Variants in GK observed in about 807,000 individuals in gnomAD.
GK encodes the protein ATP:glycerol 3-phosphotransferase.
GK carries 9 observed loss-of-function variants against 56.4 expected under a neutral mutation model. That is an observed-to-expected ratio of 0.16 (90% CI 0.10 to 0.28). The LOEUF (loss-of-function observed/expected upper bound fraction) is 0.28. Ranked by LOEUF, GK falls within the 10% of genes least tolerant of loss-of-function variation. The pLI is 1.00. For synonymous variants in GK, 104 were observed against 144.1 expected (o/e 0.72, Z 1.99); for missense variants, 161 against 431.4 (o/e 0.37, Z 5.55).
chrX:30,729,043 G>A lies in GK; in HGVS notation c.*301G>A, dbSNP rs1388585535. On this transcript the variant is annotated 3_prime_UTR_variant, in exon 21 of 21. Coordinates refer to ENST00000427190, the MANE Select transcript of GK (RefSeq NM_001205019.2). The stretch of plus-strand genomic sequence containing the variant: ...CATCCTGCTCCATTCCCTCTAAGAT[G>A]TAGGAAGAATTCGGATCCTTACCAT... The A allele has an allele frequency of 2.2e-5, 7 of 314,583 alleles. No individual in the cohort carries two copies. The highest frequency in any genetic ancestry group is 1.6e-4 in the African/African-American group (6 of 37,305). The allele number at this position is 314,583 out of a possible 1,213,427, so 25.9% of individuals were successfully genotyped here. A position where few individuals can be genotyped will look rare whatever the true frequency, so the allele number is the denominator to read the frequency against.
At chrX:30,687,957 C>T (rs1934713855) in intron 4 of GK, among the ~76,000 whole-genome samples, 1 of 111,973 alleles carries the variant, frequency 8.9e-6, no homozygotes, top group Admixed American at 9.5e-5. Flanking sequence ...TTCTAACTGC[C>T]TTAATGTCTG....
intron 3 of GK, among the ~76,000 whole-genome samples, chrX:30,671,076 G>A (rs1180700054): frequency 9.2e-6 from 1 of 108,614 alleles, no homozygotes; most frequent in Non-Finnish European, 1.9e-5. Flanking sequence ...GATCACCTGA[G>A]GTCAGGAGTT....
chrX:30,657,282 G>A (rs1238400691), intron 1 of GK, among the ~76,000 whole-genome samples: 1 of 112,342 alleles, frequency 8.9e-6, no homozygotes, highest in Non-Finnish European at 1.9e-5. Flanking sequence ...TCATCAAATT[G>A]TCAAAGAATT....
intron 3 of GK, among the ~76,000 whole-genome samples, chrX:30,669,691 A>G (rs1933349180): frequency 9.0e-6 from 1 of 111,335 alleles, no homozygotes; most frequent in Non-Finnish European, 1.9e-5. Context: ...ATAGATAGAG[A>G]GAACATCAAT....
rs768393480 is a variant in GK, at chrX:30,691,885, C to T, written c.414+686C>T. Among the ~76,000 whole-genome samples, 3 of 109,356 alleles carry T rather than the reference C, an allele frequency of 2.7e-5. No individual in the cohort carries two copies. In the South Asian group the frequency reaches 1.1e-3, roughly 42 times the overall value. The allele number at this position is 109,356 out of a possible 115,157, so 95.0% of individuals were successfully genotyped here. ...AGAGAAAGTAAAAGACACTCTAGCC[C>T]TTTATTGAACCCCTCTTCCACTTTG... On this transcript the variant is annotated intron_variant, in intron 5 of 20. Transcript: ENST00000427190.
At chrX:30,721,467 T>A (rs2147265202) in intron 18 of GK, 1 of 126,170 alleles carries the variant, frequency 7.9e-6, no homozygotes, top group Non-Finnish European at 1.6e-5. Flanking sequence ...AATTTTTTTT[T>A]TTTTTTTTTT....
At chrX:30,662,855 TTCTTTCTTTCTTTC>T (rs771158911) in intron 1 of GK, among the ~76,000 whole-genome samples, 9,152 of 48,943 alleles carry the variant, frequency 0.19, 669 homozygotes, top group African/African-American at 0.26. Context: ...CTTTCTTTCT[TTCTTTCTTTCTTTC>T]TCTTTCTTTC....
intron 2 of GK, among the ~76,000 whole-genome samples, chrX:30,666,506 G>T (rs1933087379): frequency 8.9e-6 from 1 of 111,811 alleles, no homozygotes; most frequent in Non-Finnish European, 1.9e-5. Context: ...AGAACTTTCT[G>T]GGTTGCTGGA....
At chrX:30,685,794 C>T (rs1360980730) in intron 4 of GK, among the ~76,000 whole-genome samples, 2 of 112,165 alleles carry the variant, frequency 1.8e-5, no homozygotes, top group Non-Finnish European at 1.9e-5. Context: ...CCTAGCTTTT[C>T]CACTTCCTAC....
At chrX:30,726,877 A>G (rs1937158799) in intron 19 of GK, among the ~76,000 whole-genome samples, 1 of 112,006 alleles carries the variant, frequency 8.9e-6, no homozygotes, top group African/African-American at 3.2e-5. Context: ...AATCATAATT[A>G]TTTTCTTGTT....
rs1932017007 is a variant in GK, at chrX:30,653,722, C to T, written c.78+107C>T. The stretch of plus-strand genomic sequence containing the variant: ...CCCGCATCTCTCCGGCCCGGTGCCC[C>T]GGCCGCTGGGCAAGGAGGGAGGCCG... On this transcript the variant is annotated intron_variant, in intron 1 of 20. Transcript: ENST00000427190. 9.2e-6 allele frequency: 7 copies of T among 763,167 alleles called. No homozygotes were observed. The Admixed American group carries it at 1.4e-4, about 15-fold the overall frequency. The allele number at this position is 763,167 out of a possible 1,213,427, so 62.9% of individuals were successfully genotyped here.
At chrX:30,710,404 G>A (rs754391988) in intron 13 of GK, among the ~76,000 whole-genome samples, 1 of 111,506 alleles carries the variant, frequency 9.0e-6, no homozygotes, top group Non-Finnish European at 1.9e-5. Context: ...TATGTTAACG[G>A]TGTAGTTAGA....
chrX:30,705,673 A>G (rs774821690), intron 11 of GK, among the ~76,000 whole-genome samples: 17 of 113,049 alleles, frequency 1.5e-4, no homozygotes, highest in African/African-American at 5.5e-4. Flanking sequence ...AAGGCGAGGT[A>G]GATCATGTAA....
intron 11 of GK, among the ~76,000 whole-genome samples, chrX:30,704,434 A>T (rs1156271156): frequency 9.2e-6 from 1 of 108,682 alleles, no homozygotes. Context: ...CCTAGCCTGA[A>T]ATTATTCATT....
At chrX:30,674,675 A>T (rs985102060) in intron 3 of GK, among the ~76,000 whole-genome samples, 70 of 110,821 alleles carry the variant, frequency 6.3e-4, no homozygotes, top group African/African-American at 1.2e-3. Context: ...AATATTTTTT[A>T]AAAAATATAT....
intron 4 of GK, among the ~76,000 whole-genome samples, chrX:30,682,217 A>C (rs1258997475): frequency 8.9e-6 from 1 of 112,032 alleles, no homozygotes; most frequent in Non-Finnish European, 1.9e-5. Flanking sequence ...GCAATGAGAA[A>C]TTAGATGGTT....
At chrX:30,721,253 T>C (rs976046636) in intron 18 of GK, 3 of 385,250 alleles carry the variant, frequency 7.8e-6, no homozygotes, top group Non-Finnish European at 4.6e-6. Flanking sequence ...TAGTGTAGGA[T>C]AATAATACTG....
chrX:30,724,667 A>G (rs779623258), intron 19 of GK: 21 of 303,196 alleles, frequency 6.9e-5, no homozygotes, highest in Middle Eastern at 4.9e-4. Flanking sequence ...TATACCAAAC[A>G]TAGTAAATTC....
rs1931996331 is a variant in GK at position 30,653,545 on chromosome X, C to T, written c.8C>T (p.Ala3Val). 2 of 1,211,039 alleles carry T rather than the reference C, an allele frequency of 1.7e-6. No individual in the cohort carries two copies. The highest frequency in any genetic ancestry group is 3.0e-5 in the East Asian group (1 of 33,843). MA[A>V]SKKAVLGPLV... ...CGACCTGAAGCTGGTTTCATGGCAG[C>T]CTCAAAGAAGGCAGTTTTGGGGCCA... Residue 3 changes from alanine to valine, a missense_variant, in exon 1 of 21, where the codon GCC becomes GTC. Ala to Val is a moderately conservative substitution (Grantham distance 64, BLOSUM62 0). Transcript: ENST00000427190.
Sources: allele counts gnomAD v4.1 joint callset (sites outside exome capture counted in the v4.1 genomes callset), GRCh38; gene constraint gnomAD v4.1.1; transcripts MANE v1.5; gene names NCBI Gene and HGNC (gene_info 2026-07-23, HGNC 2026-07-21).